The following ZNF710 variants were observed in gnomAD, a reference collection of about 807,000 sequenced individuals.
ZNF710 encodes the protein zinc finger protein 710.
In ZNF710, 13 loss-of-function variants were observed where a neutral mutation model predicts 50.6. The ratio of observed to expected loss-of-function variants is 0.26; its 90% CI spans 0.17 to 0.41. The LOEUF is 0.41. Among genes scored for constraint, ZNF710 ranks in the 10% least tolerant of loss-of-function variants. The pLI is 1.00. For synonymous variants in ZNF710, 383 were observed against 397.0 expected (o/e 0.96, Z 0.42); for missense variants, 721 against 936.6 (o/e 0.77, Z 3.01).
Position 90,034,951 on chromosome 15 carries a change from A to C in ZNF710, c.-28-32159A>C, listed in dbSNP as rs1333806506. On this transcript the variant is annotated intron_variant, in intron 1 of 4. Coordinates refer to ENST00000268154, the MANE Select transcript of ZNF710 (RefSeq NM_198526.4). The surrounding 1 kb of genome is among the most constrained non-coding windows in gnomAD (Gnocchi z 4.0). ...AAAGAGGCTTGATGGCCGGAGCCCCAGGGCTTCCCTGCTGGTAGAAGGGGT... is the reference window on the plus strand; with the variant it reads ...AAAGAGGCTTGATGGCCGGAGCCCCCGGGCTTCCCTGCTGGTAGAAGGGGT... Among the ~76,000 whole-genome samples, 1 of 152,194 alleles carries C rather than the reference A, an allele frequency of 6.6e-6. No individual in the cohort carries two copies. Among genetic ancestry groups the C allele is most frequent in the Non-Finnish European group, 1.5e-5 (1 of 68,022 alleles).
At chr15:90,012,659 G>A (rs1303232032) in intron 1 of ZNF710, among the ~76,000 whole-genome samples, 2 of 151,796 alleles carry the variant, frequency 1.3e-5, no homozygotes, top group African/African-American at 4.8e-5. Flanking sequence ...GTAATTTCTT[G>A]TTTTCTAGGT....
chr15:90,027,247 G>T (rs2151480637), intron 1 of ZNF710, among the ~76,000 whole-genome samples: 1 of 151,480 alleles, frequency 6.6e-6, no homozygotes, highest in South Asian at 2.1e-4. Flanking sequence ...GTCTTGCTCT[G>T]TCGCCCAGGC....
At chr15:90,077,586 A>G (rs1900623527) in intron 4 of ZNF710, among the ~76,000 whole-genome samples, 1 of 152,052 alleles carries the variant, frequency 6.6e-6, no homozygotes, top group South Asian at 2.1e-4. Flanking sequence ...CCAGCTGTGT[A>G]ACATGAGGGT....
intron 4 of ZNF710, chr15:90,076,456 T>C (rs1900591641): frequency 6.6e-6 from 1 of 152,186 alleles, no homozygotes; most frequent in Non-Finnish European, 1.5e-5. Context: ...TTTGTTAGGC[T>C]GGGCGTACTG....
rs567298340 is a variant in ZNF710, at chr15:90,065,183, G to A, written c.-28-1927G>A. 1.5e-3 allele frequency among the ~76,000 whole-genome samples: 223 copies of A among 152,316 alleles called. 1 individual carries two copies. Among genetic ancestry groups the A allele is most frequent in the African/African-American group, 4.8e-3 (199 of 41,576 alleles). On this transcript the variant is annotated intron_variant, in intron 1 of 4. Coordinates refer to ENST00000268154, the MANE Select transcript of ZNF710 (RefSeq NM_198526.4). ...TTTCAAGGAGGCTAAATTCCTGTCTGGGGTATTTTTAGCCGTCCTCAGGAA... is the reference window on the plus strand; with the variant it reads ...TTTCAAGGAGGCTAAATTCCTGTCTAGGGTATTTTTAGCCGTCCTCAGGAA...
Position 90,070,197 on chromosome 15 carries a change from T to C in ZNF710, c.1458+1602T>C, listed in dbSNP as rs547970342. Among the ~76,000 whole-genome samples, 202 of 152,252 alleles carry C rather than the reference T, an allele frequency of 1.3e-3. 1 individual carries two copies. Among genetic ancestry groups the C allele is most frequent in the African/African-American group, 4.6e-3 (192 of 41,538 alleles). On this transcript the variant is annotated intron_variant, in intron 2 of 4. Transcript: ENST00000268154. ...CTGCTAGTAGCTGCCTAAAATGTAATGTCAAGAAAGAGTCTAGCCAGGCAT... is the reference window on the plus strand; with the variant it reads ...CTGCTAGTAGCTGCCTAAAATGTAACGTCAAGAAAGAGTCTAGCCAGGCAT...
chr15:90,007,340 A>G (rs1254882085), intron 1 of ZNF710, among the ~76,000 whole-genome samples: 2 of 152,130 alleles, frequency 1.3e-5, no homozygotes, highest in East Asian at 1.9e-4. Context: ...TCAGAGTTTT[A>G]TCCCTGAGAC....
intron 1 of ZNF710, among the ~76,000 whole-genome samples, chr15:90,021,371 A>G (rs1159173610): frequency 6.6e-6 from 1 of 152,116 alleles, no homozygotes; most frequent in Non-Finnish European, 1.5e-5. Context: ...AGCCTCCCCA[A>G]GCCTTGGTTT....
At chr15:90,071,116 T>C (rs983786402) in intron 2 of ZNF710, among the ~76,000 whole-genome samples, 4 of 151,584 alleles carry the variant, frequency 2.6e-5, no homozygotes, top group Admixed American at 1.3e-4. Context: ...CAAAAATTAG[T>C]TGGGCGTGGT....
intron 1 of ZNF710, among the ~76,000 whole-genome samples, chr15:90,024,140 C>G (rs554831518): frequency 6.6e-6 from 1 of 152,222 alleles, no homozygotes; most frequent in African/African-American, 2.4e-5. Flanking sequence ...CACCCCTTAC[C>G]TAAGCCATGC....
intron 1 of ZNF710, among the ~76,000 whole-genome samples, chr15:90,038,454 C>T (rs987577217): frequency 2.0e-5 from 3 of 152,184 alleles, no homozygotes; most frequent in African/African-American, 2.4e-5. Flanking sequence ...GAGTTGCAGA[C>T]AGCCCACCGT....
rs181231838 is a variant in ZNF710 at position 90,018,230 on chromosome 15, G to A, written c.-29+16616G>A. 1.6e-3 allele frequency among the ~76,000 whole-genome samples: 241 copies of A among 147,506 alleles called. 2 individuals carry two copies. Among genetic ancestry groups the A allele is most frequent in the African/African-American group, 5.5e-3 (219 of 39,704 alleles). ...GTCACCCAGACTGGAGGACAGTGGC[G>A]TGATCTCGACTCACTGCAACCTCCG... is the stretch of plus-strand genomic sequence containing the variant. On this transcript the variant is annotated intron_variant, in intron 1 of 4. Transcript: ENST00000268154.
chr15:90,060,827 G>T (rs1490493288), intron 1 of ZNF710, among the ~76,000 whole-genome samples: 1 of 152,214 alleles, frequency 6.6e-6, no homozygotes, highest in Non-Finnish European at 1.5e-5. Context: ...CCGCACTCCA[G>T]ACTGAGCAAC....
intron 1 of ZNF710, among the ~76,000 whole-genome samples, chr15:90,019,388 T>C (rs1260586014): frequency 1.3e-5 from 2 of 152,186 alleles, no homozygotes. Flanking sequence ...GTAAACATCC[T>C]TGGGTATATT....
chr15:90,003,830 G>C (rs547255910), intron 1 of ZNF710, among the ~76,000 whole-genome samples: 15 of 152,288 alleles, frequency 9.8e-5, no homozygotes, highest in Admixed American at 9.8e-4. Flanking sequence ...TAGCTCCAGA[G>C]AGGTGCCCAC....
Position 90,079,668 on chromosome 15 carries a change from A to AT in ZNF710, c.1835dup (p.Met612IlefsTer7). 6.2e-7 allele frequency: 1 copy of AT among 1,613,330 alleles called. No homozygotes were observed. Among genetic ancestry groups the AT allele is most frequent in the Non-Finnish European group, 8.5e-7 (1 of 1,179,696 alleles). On this transcript the variant is annotated frameshift_variant, in exon 5 of 5. Transcript: ENST00000268154. LOFTEE classifies it high-confidence loss of function. The stretch of plus-strand genomic sequence containing the variant: ...GTGCCCCTCTCTTACAGACCCCATG[A>AT]TGGAGCTGACAGGCACTGACCCTTC...
chr15:90,047,487 T>A (rs557848600), intron 1 of ZNF710, among the ~76,000 whole-genome samples: 61 of 152,312 alleles, frequency 4.0e-4, no homozygotes, highest in Middle Eastern at 3.4e-3. Context: ...TGGGGTTTTT[T>A]AAAGTCCATT....
intron 1 of ZNF710, among the ~76,000 whole-genome samples, chr15:90,020,205 C>T (rs901612217): frequency 2.0e-5 from 3 of 152,226 alleles, no homozygotes; most frequent in African/African-American, 7.2e-5. Flanking sequence ...CTTCCTCCTG[C>T]GTGACAGCGC....
At chr15:90,007,865 C>T (rs1898178916) in intron 1 of ZNF710, among the ~76,000 whole-genome samples, 1 of 151,896 alleles carries the variant, frequency 6.6e-6, no homozygotes, top group Admixed American at 6.6e-5. Context: ...ACATAGAAAG[C>T]ATTTTCCCAA....
Sources: gnomAD v4.1 joint callset for allele counts (sites outside exome capture counted in the v4.1 genomes callset) on GRCh38, gnomAD v4.1.1 for gene constraint, Gnocchi (gnomAD v3.1) non-coding constraint, MANE v1.5 for transcripts, NCBI Gene and HGNC (gene_info 2026-07-23, HGNC 2026-07-21) for gene names.